BOLA3: variants seen among roughly 807,000 people sequenced by gnomAD.
The protein encoded by BOLA3 is bolA-like protein 3.
A neutral mutation model predicts 14.5 loss-of-function variants in BOLA3; 8 were observed. The observed-to-expected ratio is 0.55, with a 90% CI of 0.32 to 0.99. The LOEUF is 0.99. Among genes scored for constraint, BOLA3 ranks in the 50% least tolerant of loss-of-function variants. The pLI, the probability that BOLA3 is intolerant of heterozygous loss-of-function variation, is 0.04. For synonymous variants in BOLA3, 42 were observed against 45.7 expected (o/e 0.92, Z 0.33); for missense variants, 115 against 138.2 (o/e 0.83, Z 0.84).
At position 74,145,319 on chromosome 2, in the gene BOLA3, G is replaced by C; in HGVS notation, c.55-16C>G. Reference sequence around the variant, plus strand: ...GAAGTGGAAGCTGCCACAGAACAGAGAGGAAGGTCAGGGCAGAGGAAGATG... The same window carrying C: ...GAAGTGGAAGCTGCCACAGAACAGACAGGAAGGTCAGGGCAGAGGAAGATG... On this transcript the variant is annotated splice_polypyrimidine_tract_variant and intron_variant, in intron 1 of 3. Coordinates refer to ENST00000327428, the MANE Select transcript of BOLA3 (RefSeq NM_212552.3). 3 of 1,445,298 alleles carry C rather than the reference G, an allele frequency of 2.1e-6. No individual in the cohort carries two copies. Among genetic ancestry groups the C allele is most frequent in the Non-Finnish European group, 2.9e-6 (3 of 1,025,968 alleles). 89.5% of individuals were successfully genotyped at this position (1,445,298 alleles called of 1,614,324 possible). A position where few individuals can be genotyped will look rare whatever the true frequency, so the allele number is the denominator to read the frequency against.
chr2:74,141,523 G>A (rs548261540), intron 3 of BOLA3, among the ~76,000 whole-genome samples: 6 of 152,216 alleles, frequency 3.9e-5, no homozygotes, highest in Non-Finnish European at 7.4e-5. Flanking sequence ...AGAGACCAGC[G>A]GGCAGAGGCC....
At chr2:74,144,098 C>T (rs1452559573) in intron 2 of BOLA3, among the ~76,000 whole-genome samples, 4 of 151,492 alleles carry the variant, frequency 2.6e-5, no homozygotes, top group Non-Finnish European at 4.4e-5. Flanking sequence ...CTCCGCCTCC[C>T]GGGTTCAAGC....
intron 2 of BOLA3, among the ~76,000 whole-genome samples, chr2:74,144,058 T>A (rs937125939): frequency 1.4e-5 from 2 of 143,868 alleles, no homozygotes; most frequent in African/African-American, 5.3e-5. Flanking sequence ...CAGGCTGGAG[T>A]GCAGTGGCAT....
intron 1 of BOLA3, 108 bp downstream of exon 1, chr2:74,147,711 CCG>C: frequency 1.9e-6 from 2 of 1,038,160 alleles, no homozygotes; most frequent in South Asian, 1.4e-5. Flanking sequence ...ATTGCCAGTG[CCG>C]CGCGCGCCCT....
At chr2:74,140,077 A>G (rs1692410689) in intron 3 of BOLA3, among the ~76,000 whole-genome samples, 1 of 152,188 alleles carries the variant, frequency 6.6e-6, no homozygotes, top group Non-Finnish European at 1.5e-5. Context: ...TGAAGTCAGG[A>G]GTTCGAGACC....
At chr2:74,144,015 T>G (rs1436840352) in intron 2 of BOLA3, among the ~76,000 whole-genome samples, 2 of 148,076 alleles carry the variant, frequency 1.4e-5, no homozygotes, top group Non-Finnish European at 3.0e-5. Context: ...ATTTTTTTTT[T>G]TTTTTTTTGA....
chr2:74,137,897 C>T (rs1431016989), intron 3 of BOLA3, among the ~76,000 whole-genome samples: 1 of 152,224 alleles, frequency 6.6e-6, no homozygotes, highest in Non-Finnish European at 1.5e-5. Context: ...TCTCTGCAGG[C>T]GTGGAATGCT....
chr2:74,145,358 G>T, intron 1 of BOLA3, 55 bp from the exon 2 acceptor site: 1 of 1,100,430 alleles, frequency 9.1e-7, no homozygotes, highest in Non-Finnish European at 1.4e-6. Context: ...TTGCCCCTGA[G>T]CTGGGCCACT....
At chr2:74,147,460 C>T (rs1692566969) in intron 1 of BOLA3, 1 of 315,014 alleles carries the variant, frequency 3.2e-6, no homozygotes, top group Non-Finnish European at 5.9e-6. Context: ...CGCTGCAGTC[C>T]CTCGCACCCA....
At chr2:74,141,038 C>A (rs1471014407) in intron 3 of BOLA3, among the ~76,000 whole-genome samples, 2 of 152,222 alleles carry the variant, frequency 1.3e-5, no homozygotes, top group East Asian at 1.9e-4. Context: ...GTGGCTTGTA[C>A]AGATCTGAGA....
intron 2 of BOLA3, among the ~76,000 whole-genome samples, chr2:74,143,775 C>T (rs373337784): frequency 5.3e-4 from 81 of 152,146 alleles, no homozygotes; most frequent in African/African-American, 1.9e-3. Context: ...CAACCTCTGC[C>T]TCCCAGGTTC....
intron 2 of BOLA3, among the ~76,000 whole-genome samples, chr2:74,144,463 G>C (rs1335699841): frequency 6.6e-6 from 1 of 152,252 alleles, no homozygotes; most frequent in African/African-American, 2.4e-5. Context: ...TGGGTATGGA[G>C]AGATTCAGAC....
At chr2:74,141,391 G>T (rs914413639) in intron 3 of BOLA3, among the ~76,000 whole-genome samples, 5 of 152,040 alleles carry the variant, frequency 3.3e-5, no homozygotes, top group Admixed American at 1.3e-4. Flanking sequence ...GAGGGTGGGG[G>T]AACGGCATTC....
At position 74,145,194 on chromosome 2, in the gene BOLA3, A is replaced by G. The variant is rs760582282; in HGVS notation, c.164T>C (p.Ile55Thr). 1.1e-5 allele frequency: 18 copies of G among 1,569,352 alleles called. No homozygotes were observed. The Admixed American group carries it at 3.0e-4, about 26-fold the overall frequency. ...AAGAGTGAGAGAAACCTTACCTGAA[A>G]TGTCAGTGACTTTTATAGCTGTAGC... The part of the protein sequence containing the change: ...PRATAIKVTD[I>T]SGGCGAMYEI... Residue 55 changes from isoleucine to threonine, a missense_variant, in exon 2 of 4, where the codon ATT (isoleucine) becomes ACT (threonine). Coordinates refer to ENST00000327428, the MANE Select transcript of BOLA3 (RefSeq NM_212552.3).
intron 3 of BOLA3, among the ~76,000 whole-genome samples, chr2:74,140,212 A>C (rs1305039603): frequency 6.6e-6 from 1 of 152,078 alleles, no homozygotes; most frequent in Non-Finnish European, 1.5e-5. Context: ...TGAACCCAGG[A>C]GGCAGAGGTT....
intron 3 of BOLA3, among the ~76,000 whole-genome samples, chr2:74,141,348 G>A (rs1692434036): frequency 1.3e-5 from 2 of 151,532 alleles, no homozygotes; most frequent in South Asian, 2.1e-4. Context: ...GACACAAGAC[G>A]GAAAACACCG....
chr2:74,147,249 G>T, intron 1 of BOLA3: 1 of 159,328 alleles, frequency 6.3e-6, no homozygotes, highest in Non-Finnish European at 1.4e-5. Context: ...CACAGGGCAG[G>T]CAGGTTCAGA....
chr2:74,142,915 T>A (rs1325506455), intron 2 of BOLA3, among the ~76,000 whole-genome samples: 2 of 152,288 alleles, frequency 1.3e-5, no homozygotes, highest in Non-Finnish European at 2.9e-5. Flanking sequence ...CAGCACAGCA[T>A]CCAGGATTTC....
chr2:74,137,586 TA>T (rs879323609), intron 3 of BOLA3, among the ~76,000 whole-genome samples: 5,235 of 145,032 alleles, frequency 0.036, 244 homozygotes, highest in African/African-American at 0.11. Context: ...CTTATTTAAT[TA>T]AAAAAAAAAA....
Sources: allele counts gnomAD v4.1 joint callset (sites outside exome capture counted in the v4.1 genomes callset), GRCh38; gene constraint gnomAD v4.1.1; transcripts MANE v1.5; gene names NCBI Gene and HGNC (gene_info 2026-07-23, HGNC 2026-07-21).